Variants in RUNX2 observed in about 807,000 individuals in gnomAD.
The protein encoded by RUNX2 is runt-related transcription factor 2.
A neutral mutation model predicts 51.7 loss-of-function variants in RUNX2; 10 were observed. The ratio of observed to expected loss-of-function variants is 0.19; its 90% confidence interval spans 0.12 to 0.33. The LOEUF is 0.33. RUNX2 is among the 10% of genes least tolerant of loss of function. The pLI is 1.00. For synonymous variants in RUNX2, 276 were observed against 273.6 expected, an observed-to-expected ratio of 1.01 and a Z score of -0.09; for missense variants, 562 against 691.3, an observed-to-expected ratio of 0.81 and a Z score of 2.10.
intron 2 of RUNX2, among the ~76,000 whole-genome samples, chr6:45,333,906 T>C (rs570341231): frequency 2.0e-5 from 3 of 151,288 alleles, no homozygotes; most frequent in Non-Finnish European, 4.4e-5. Flanking sequence ...GATTAGATGA[T>C]TTTCATCTTT....
chr6:45,548,469 T>A lies in RUNX2; in HGVS notation c.*1164T>A, dbSNP rs1392425454. ...TGTTTAGTTCTTTCAGATCTTTGAA[T>A]GCCTCTAACACAGCTTTGCCTTCTA... On this transcript the variant is annotated 3_prime_UTR_variant, in exon 9 of 9. Transcript: ENST00000647337. 3 of 152,680 alleles carry A rather than the reference T, an allele frequency of 2.0e-5. No homozygotes were observed. The highest frequency in any genetic ancestry group is 4.4e-5 in the Non-Finnish European group (3 of 68,044). The allele number at this position is 152,680 out of a possible 1,614,324, so 9.5% of individuals were successfully genotyped here.
intron 7 of RUNX2, among the ~76,000 whole-genome samples, chr6:45,543,105 C>T (rs1311227468): frequency 6.6e-6 from 1 of 152,146 alleles, no homozygotes; most frequent in Non-Finnish European, 1.5e-5. Flanking sequence ...ATAAATGTTG[C>T]ACTCTCCTCC....
At chr6:45,364,196 C>T (rs1222100218) in intron 2 of RUNX2, among the ~76,000 whole-genome samples, 4 of 151,942 alleles carry the variant, frequency 2.6e-5, no homozygotes, top group Non-Finnish European at 4.4e-5. Context: ...TCTTCAGGAT[C>T]TTCAATGATT....
At chr6:45,432,048 T>C (rs1344116986) in intron 4 of RUNX2, 29 bp downstream of exon 4, 4 of 1,608,868 alleles carry the variant, frequency 2.5e-6, no homozygotes, top group East Asian at 2.2e-5. Context: ...ATACTGATAA[T>C]AGAATAAGCA....
intron 2 of RUNX2, among the ~76,000 whole-genome samples, chr6:45,402,544 A>G (rs1797735063): frequency 6.6e-6 from 1 of 152,206 alleles, no homozygotes. Context: ...TATATAAAGC[A>G]TTAACAAAAT....
intron 2 of RUNX2, among the ~76,000 whole-genome samples, chr6:45,337,521 T>C (rs1294195381): frequency 6.6e-6 from 1 of 151,834 alleles, no homozygotes; most frequent in African/African-American, 2.4e-5. Flanking sequence ...AAAGCAACTT[T>C]TAGTAAGTTC....
At chr6:45,538,773 T>G (rs1486828216) in intron 7 of RUNX2, among the ~76,000 whole-genome samples, 1 of 152,046 alleles carries the variant, frequency 6.6e-6, no homozygotes, top group African/African-American at 2.4e-5. Flanking sequence ...TTTCCATATG[T>G]GTTCCCAATA....
At chr6:45,342,201 C>A (rs1344699577) in intron 2 of RUNX2, among the ~76,000 whole-genome samples, 1 of 151,944 alleles carries the variant, frequency 6.6e-6, no homozygotes, top group African/African-American at 2.4e-5. Flanking sequence ...AGAATGAGTT[C>A]TCTTTGTCAC....
chr6:45,349,561 G>T (rs1791602067), intron 2 of RUNX2, among the ~76,000 whole-genome samples: 1 of 152,184 alleles, frequency 6.6e-6, no homozygotes, highest in Admixed American at 6.5e-5. Context: ...AGACCCAGCA[G>T]TTTAATGGTT....
chr6:45,441,988 C>T (rs759698745), intron 5 of RUNX2, among the ~76,000 whole-genome samples: 1 of 152,234 alleles, frequency 6.6e-6, no homozygotes, highest in Non-Finnish European at 1.5e-5. Flanking sequence ...TTAATATACA[C>T]ATCTGGCGTT....
chr6:45,368,847 T>C (rs967121333), intron 2 of RUNX2, among the ~76,000 whole-genome samples: 10 of 152,136 alleles, frequency 6.6e-5, no homozygotes, highest in African/African-American at 2.4e-4. Context: ...ATTTTTATTT[T>C]CATAAAATTC....
chr6:45,390,567 T>A (rs1797449431), intron 2 of RUNX2, among the ~76,000 whole-genome samples: 1 of 152,168 alleles, frequency 6.6e-6, no homozygotes, highest in African/African-American at 2.4e-5. Flanking sequence ...ACATAACTAG[T>A]CTTGATGGTG....
At chr6:45,383,632 A>G (rs79270087) in intron 2 of RUNX2, among the ~76,000 whole-genome samples, 3,293 of 151,974 alleles carry the variant, frequency 0.022, 53 homozygotes, top group Non-Finnish European at 0.032. Flanking sequence ...AAAAAGAAAA[A>G]TATTTTTTGG....
intron 5 of RUNX2, among the ~76,000 whole-genome samples, chr6:45,483,576 T>C (rs1800176205): frequency 6.6e-6 from 1 of 152,202 alleles, no homozygotes; most frequent in Admixed American, 6.5e-5. Flanking sequence ...GTATAAATAT[T>C]TTATGTCAAT....
chr6:45,440,036 G>A (rs1478224391), intron 5 of RUNX2, among the ~76,000 whole-genome samples: 3 of 152,196 alleles, frequency 2.0e-5, no homozygotes, highest in Non-Finnish European at 2.9e-5. Flanking sequence ...TGGTGCCCAG[G>A]GTGGGCGGTG....
At chr6:45,514,280 T>C (rs769639975) in intron 7 of RUNX2, among the ~76,000 whole-genome samples, 2 of 152,228 alleles carry the variant, frequency 1.3e-5, no homozygotes, top group Non-Finnish European at 2.9e-5. Context: ...ATCATGTACA[T>C]GTGTAACGGA....
At chr6:45,381,757 A>G (rs1372824854) in intron 2 of RUNX2, among the ~76,000 whole-genome samples, 1 of 152,214 alleles carries the variant, frequency 6.6e-6, no homozygotes, top group African/African-American at 2.4e-5. Flanking sequence ...AAGAAAAACC[A>G]GCGTGAAAAG....
intron 6 of RUNX2, among the ~76,000 whole-genome samples, chr6:45,507,361 C>A (rs1425631161): frequency 6.6e-6 from 1 of 152,088 alleles, no homozygotes; most frequent in Non-Finnish European, 1.5e-5. Flanking sequence ...ACTGATGATG[C>A]CTGAAAAACA....
intron 7 of RUNX2, among the ~76,000 whole-genome samples, chr6:45,524,465 G>A (rs970098018): frequency 2.0e-5 from 3 of 152,028 alleles, no homozygotes; most frequent in African/African-American, 7.2e-5. Context: ...GCCATCTCGC[G>A]CTGTACCCAA....
Sources: gnomAD v4.1 joint callset for allele counts (sites outside exome capture counted in the v4.1 genomes callset) on GRCh38, gnomAD v4.1.1 for gene constraint, MANE v1.5 for transcripts, NCBI Gene and HGNC (gene_info 2026-07-23, HGNC 2026-07-21) for gene names.